The following EPRS1 variants were observed in gnomAD, a reference collection of about 807,000 sequenced individuals.
EPRS1 encodes the protein glutamyl-prolyl-tRNA synthetase 1.
EPRS1 carries 107 observed loss-of-function variants against 188.3 expected under a neutral mutation model. That is an observed-to-expected ratio of 0.57 (90% CI 0.49 to 0.67). The LOEUF (loss-of-function observed/expected upper bound fraction) is 0.67, where lower values mean the gene tolerates loss of function less well. EPRS1 is among the 30% of genes least tolerant of loss of function. The pLI, the probability that EPRS1 is intolerant of heterozygous loss-of-function variation, is 0.00. For synonymous variants in EPRS1, 596 were observed against 593.1 expected, an observed-to-expected ratio of 1.00 and a Z score of -0.07; for missense variants, 1,577 against 1,802.2, an observed-to-expected ratio of 0.88 and a Z score of 2.26.
intron 23 of EPRS1, among the ~76,000 whole-genome samples, chr1:219,981,671 C>T (rs1302732535): frequency 6.6e-6 from 1 of 152,184 alleles, no homozygotes; most frequent in Non-Finnish European, 1.5e-5. Context: ...GGATACAAAT[C>T]TAAACTTGAT....
intron 23 of EPRS1, among the ~76,000 whole-genome samples, chr1:219,982,307 G>A (rs1397442638): frequency 6.6e-6 from 1 of 152,110 alleles, no homozygotes; most frequent in African/African-American, 2.4e-5. Context: ...GGAAATCACA[G>A]TAACTTTCCC....
Position 220,032,515 on chromosome 1 carries a change from A to AGG in EPRS1, c.398_399dup (p.Trp134ProfsTer6). 1 of 1,612,462 alleles carries AGG rather than the reference A, an allele frequency of 6.2e-7. No homozygotes were observed. The highest frequency in any genetic ancestry group is 8.5e-7 in the Non-Finnish European group (1 of 1,179,616). On this transcript the variant is annotated frameshift_variant, in exon 5 of 32. Coordinates refer to ENST00000366923, the MANE Select transcript of EPRS1 (RefSeq NM_004446.3). LOFTEE classifies it high-confidence loss of function. ...TTCTTCTGTTTCAACTGTTCTTGCC[A>AGG]GGCAGCATTTCCTATGAGCAAAGAT...
At chr1:219,991,751 C>A (rs1211840831) in intron 18 of EPRS1, among the ~76,000 whole-genome samples, 1 of 152,154 alleles carries the variant, frequency 6.6e-6, no homozygotes, top group Admixed American at 6.6e-5. Context: ...AATTAGAACA[C>A]AACACCTGTT....
At chr1:220,038,875 T>G (rs1476425352) in intron 2 of EPRS1, among the ~76,000 whole-genome samples, 2 of 152,114 alleles carry the variant, frequency 1.3e-5, no homozygotes, top group African/African-American at 4.8e-5. Flanking sequence ...GGTAATATCT[T>G]GAAGCTGCCC....
rs767932972 is a variant in EPRS1, at chr1:220,001,272, G to A, written c.2064-17C>T. On this transcript the variant is annotated splice_polypyrimidine_tract_variant and intron_variant, in intron 16 of 31. Transcript: ENST00000366923. ...CTATATGGGCTAAAAAGAAAATAAA[G>A]GGACAAAATAGTTTATTTGAACAAA... The A allele has an allele frequency of 1.4e-5, 21 of 1,464,388 alleles. No individual in the cohort carries two copies. The African/African-American group carries it at 2.8e-4, about 19-fold the overall frequency. The allele number at this position is 1,464,388 out of a possible 1,614,324, so 90.7% of individuals were successfully genotyped here. A position where few individuals can be genotyped will look rare whatever the true frequency, so the allele number is the denominator to read the frequency against.
intron 1 of EPRS1, among the ~76,000 whole-genome samples, chr1:220,041,894 C>T (rs1174234553): frequency 6.6e-6 from 1 of 152,046 alleles, no homozygotes; most frequent in African/African-American, 2.4e-5. Flanking sequence ...CACCATGTTC[C>T]ACTGGAAACA....
rs757486824 is a variant in EPRS1, at chr1:220,020,225, G to GA, written c.1116-5dup. ...AAAATCATATGTTGGATAAACACTA[G>GA]AAAAAAAGAAAATAAAATAAACAAA... On this transcript the variant is annotated splice_polypyrimidine_tract_variant and splice_region_variant and intron_variant, in intron 9 of 31. Coordinates refer to ENST00000366923, the MANE Select transcript of EPRS1 (RefSeq NM_004446.3). The GA allele has an allele frequency of 1.9e-6, 3 of 1,557,708 alleles. No homozygotes were observed. Among genetic ancestry groups the GA allele is most frequent in the Non-Finnish European group, 2.6e-6 (3 of 1,137,574 alleles).
intron 1 of EPRS1, among the ~76,000 whole-genome samples, chr1:220,044,098 T>C (rs1361728948): frequency 2.0e-5 from 3 of 152,086 alleles, no homozygotes; most frequent in Non-Finnish European, 4.4e-5. Flanking sequence ...TTGGGTGGTA[T>C]GGGGGAAAAA....
chr1:220,043,625 T>C (rs568965893), intron 1 of EPRS1, among the ~76,000 whole-genome samples: 15 of 152,236 alleles, frequency 9.9e-5, no homozygotes, highest in Non-Finnish European at 2.1e-4. Context: ...AATGGGAAAA[T>C]TAAATTCATG....
rs1200878308 is a variant in EPRS1, at chr1:220,033,667, A to G, written c.232-9T>C. 12 of 1,585,144 alleles carry G rather than the reference A, an allele frequency of 7.6e-6. No individual in the cohort carries two copies. The highest frequency in any genetic ancestry group is 2.2e-5 in the East Asian group (1 of 44,690). On this transcript the variant is annotated splice_polypyrimidine_tract_variant and intron_variant, in intron 3 of 31. Coordinates refer to ENST00000366923, the MANE Select transcript of EPRS1 (RefSeq NM_004446.3). The stretch of plus-strand genomic sequence containing the variant: ...TCCAACCAGTGATCAATCTGTCAAC[A>G]TAAAAGACAGAAAAGAAATGCATTC...
intron 5 of EPRS1, 23 bp from the exon 6 acceptor site, chr1:220,030,503 C>T (rs1455948975): frequency 6.4e-7 from 1 of 1,563,976 alleles, no homozygotes; most frequent in Non-Finnish European, 8.8e-7. Flanking sequence ...ACCACCATCA[C>T]AACAAAAAGT....
intron 18 of EPRS1, among the ~76,000 whole-genome samples, chr1:219,993,645 T>C (rs571279155): frequency 6.6e-6 from 1 of 152,322 alleles, no homozygotes; most frequent in Admixed American, 6.5e-5. Context: ...TGTAGAAAAC[T>C]GAATAGTTAA....
At chr1:220,034,527 G>A (rs1662140865) in intron 3 of EPRS1, among the ~76,000 whole-genome samples, 1 of 152,144 alleles carries the variant, frequency 6.6e-6, no homozygotes, top group Non-Finnish European at 1.5e-5. Flanking sequence ...AAAAGAAAAT[G>A]GGATCCAAAC....
rs192106171 is a variant in EPRS1 at position 220,016,699 on chromosome 1, A to G, written c.1494+1750T>C. The stretch of plus-strand genomic sequence containing the variant: ...CTTCTGAACTGCTGGGAGTAGAGGC[A>G]TGAGAACCTGGCTTTTTTTTTTTTT... On this transcript the variant is annotated intron_variant, in intron 12 of 31. Transcript: ENST00000366923. 4.4e-5 allele frequency among the ~76,000 whole-genome samples: 6 copies of G among 137,446 alleles called. No homozygotes were observed. The East Asian group carries it at 1.3e-3, about 30-fold the overall frequency. 90.2% of individuals were successfully genotyped at this position (137,446 alleles called of 152,430 possible). A position where few individuals can be genotyped will look rare whatever the true frequency, so the allele number is the denominator to read the frequency against.
chr1:220,044,234 A>G (rs1231135110), intron 1 of EPRS1, among the ~76,000 whole-genome samples: 1 of 152,254 alleles, frequency 6.6e-6, no homozygotes, highest in East Asian at 1.9e-4. Context: ...ACTTAAAGAT[A>G]AAATGTAATT....
intron 18 of EPRS1, among the ~76,000 whole-genome samples, chr1:219,989,783 G>A: frequency 6.6e-6 from 1 of 152,104 alleles, no homozygotes; most frequent in African/African-American, 2.4e-5. Context: ...CCACACAAAG[G>A]TAGTAAAATT....
intron 8 of EPRS1, among the ~76,000 whole-genome samples, chr1:220,023,129 C>A (rs941846171): frequency 6.6e-6 from 1 of 152,136 alleles, no homozygotes; most frequent in African/African-American, 2.4e-5. Flanking sequence ...AACAGTGACA[C>A]AGGAAAGAAA....
At chr1:219,983,051 T>C in intron 22 of EPRS1, 138 bp downstream of exon 22, 1 of 757,488 alleles carries the variant, frequency 1.3e-6, no homozygotes, top group Non-Finnish European at 2.1e-6. Flanking sequence ...ACAAAATCAT[T>C]ACTTGCTATA....
At chr1:220,033,789 C>T in intron 3 of EPRS1, 131 bp from the exon 4 acceptor site, 1 of 618,764 alleles carries the variant, frequency 1.6e-6, no homozygotes, top group Non-Finnish European at 2.8e-6. Flanking sequence ...TCAAATTATA[C>T]AATTTATCAT....
Sources: allele counts gnomAD v4.1 joint callset (sites outside exome capture counted in the v4.1 genomes callset), GRCh38; gene constraint gnomAD v4.1.1; transcripts MANE v1.5; gene names NCBI Gene and HGNC (gene_info 2026-07-23, HGNC 2026-07-21).